Variants in CFAP20DC observed in about 807,000 individuals in gnomAD.
CFAP20DC encodes the protein CFAP20 domain containing, also known as protein CFAP20DC.
CFAP20DC carries 84 observed loss-of-function variants against 101.7 expected under a neutral mutation model. The ratio of observed to expected loss-of-function variants is 0.83; its 90% CI spans 0.69 to 0.99. The LOEUF is 0.99. Ranked by LOEUF, CFAP20DC falls within the 50% of genes least tolerant of loss-of-function variation. The pLI, the probability that CFAP20DC is intolerant of heterozygous loss-of-function variation, is 0.00. For synonymous variants in CFAP20DC, 359 were observed against 351.2 expected (o/e 1.02, Z -0.25); for missense variants, 1,007 against 970.3 (o/e 1.04, Z -0.50).
At position 58,833,503 on chromosome 3, in the gene CFAP20DC, A is replaced by C. The variant is rs1271628968; in HGVS notation, c.1972-1614T>G. Among the ~76,000 whole-genome samples, 13 of 152,290 alleles carry C rather than the reference A, an allele frequency of 8.5e-5. No homozygotes were observed. In the East Asian group the frequency reaches 2.1e-3, roughly 25 times the overall value. On this transcript the variant is annotated intron_variant, in intron 13 of 16. Coordinates refer to ENST00000482387, the MANE Select transcript of CFAP20DC (RefSeq NM_001394063.1). Reference sequence around the variant, plus strand: ...TCAACATCCTTGTCATTAGAGAAATACAAATCAAAACCACAATGAGATACC... The same window carrying C: ...TCAACATCCTTGTCATTAGAGAAATCCAAATCAAAACCACAATGAGATACC...
intron 4 of CFAP20DC, among the ~76,000 whole-genome samples, chr3:58,951,349 C>T (rs375218334): frequency 6.6e-6 from 1 of 152,156 alleles, no homozygotes; most frequent in African/African-American, 2.4e-5. Flanking sequence ...GTCAGTATGG[C>T]GATTCCTCAG....
At chr3:58,819,345 A>T (rs1209635964) in intron 14 of CFAP20DC, among the ~76,000 whole-genome samples, 2 of 152,170 alleles carry the variant, frequency 1.3e-5, no homozygotes, top group East Asian at 3.9e-4. Context: ...AAATCAATGA[A>T]TCCAGGAGCT....
intron 4 of CFAP20DC, among the ~76,000 whole-genome samples, chr3:58,984,989 G>T (rs549913313): frequency 6.6e-6 from 1 of 152,108 alleles, no homozygotes; most frequent in Non-Finnish European, 1.5e-5. Flanking sequence ...CAGCCTTGAC[G>T]TCCTGGGCTC....
At chr3:58,777,137 T>C (rs13315661) in intron 15 of CFAP20DC, among the ~76,000 whole-genome samples, 18,143 of 152,090 alleles carry the variant, frequency 0.12, 1,947 homozygotes, top group East Asian at 0.35. Context: ...AAAGTCATTC[T>C]TCTGTTCACT....
chr3:58,812,869 T>C (rs1039562194), intron 14 of CFAP20DC, among the ~76,000 whole-genome samples: 1 of 151,892 alleles, frequency 6.6e-6, no homozygotes. Context: ...AAAGTTCATG[T>C]ATTGAAATTT....
chr3:58,815,735 T>C (rs2107834053), intron 14 of CFAP20DC, among the ~76,000 whole-genome samples: 1 of 150,780 alleles, frequency 6.6e-6, no homozygotes, highest in Admixed American at 6.6e-5. Context: ...AAGACATTTA[T>C]GCAGCCAAAA....
intron 4 of CFAP20DC, among the ~76,000 whole-genome samples, chr3:58,962,530 ATTACT>A (rs2091224078): frequency 6.6e-6 from 1 of 152,128 alleles, no homozygotes; most frequent in African/African-American, 2.4e-5. Context: ...TATTTTTGTT[ATTACT>A]TTACTTTTAA....
intron 10 of CFAP20DC, 138 bp from the exon 11 acceptor site, chr3:58,866,826 T>C: frequency 1.9e-6 from 1 of 531,996 alleles, no homozygotes; most frequent in Middle Eastern, 5.1e-4. Flanking sequence ...ATGAATTACA[T>C]GCAGTTTTTT....
chr3:58,806,738 C>A (rs112589851), intron 14 of CFAP20DC, among the ~76,000 whole-genome samples: 3 of 152,342 alleles, frequency 2.0e-5, no homozygotes, highest in South Asian at 2.1e-4. Flanking sequence ...GTGCAGCGCA[C>A]CGTGTGCGAG....
At position 58,882,250 on chromosome 3, in the gene CFAP20DC, G is replaced by A. The variant is rs892882129; in HGVS notation, c.715+2295C>T. Among the ~76,000 whole-genome samples, 6 of 151,958 alleles carry A rather than the reference G, an allele frequency of 3.9e-5. No individual in the cohort carries two copies. The highest frequency in any genetic ancestry group is 3.9e-4 in the East Asian group (2 of 5,192). On this transcript the variant is annotated intron_variant, in intron 7 of 16. Transcript: ENST00000482387. This position sits in a 1 kb window ranked among gnomAD's most constrained non-coding sequence, Gnocchi z 4.2. ...TATTAATATCCTCTTTTATGAGTTG[G>A]GTTCAAATATGGCCCATGAAAAAGT...
chr3:58,814,587 T>G (rs1197739370), intron 14 of CFAP20DC, among the ~76,000 whole-genome samples: 1 of 151,376 alleles, frequency 6.6e-6, no homozygotes, highest in South Asian at 2.1e-4. Context: ...GCAGATGACA[T>G]GATTGTATAT....
chr3:58,773,762 T>C (rs965190531), intron 15 of CFAP20DC, among the ~76,000 whole-genome samples: 2 of 152,186 alleles, frequency 1.3e-5, no homozygotes, highest in Non-Finnish European at 2.9e-5. Flanking sequence ...TTCAAGAGCC[T>C]GATTTATTAA....
At chr3:58,953,802 C>A (rs1576466814) in intron 4 of CFAP20DC, 1 of 152,094 alleles carries the variant, frequency 6.6e-6, no homozygotes, top group Non-Finnish European at 1.5e-5. Context: ...TGATTTTCAC[C>A]ATCAAAAACC....
At chr3:58,889,956 C>T (rs2082010683) in intron 6 of CFAP20DC, among the ~76,000 whole-genome samples, 1 of 136,402 alleles carries the variant, frequency 7.3e-6, no homozygotes, top group Admixed American at 7.3e-5. Flanking sequence ...CTACTTCTTT[C>T]TACACAGACA....
intron 15 of CFAP20DC, among the ~76,000 whole-genome samples, chr3:58,762,463 C>A (rs1013209943): frequency 6.6e-6 from 1 of 152,152 alleles, no homozygotes; most frequent in South Asian, 2.1e-4. Context: ...CTGAATACAG[C>A]ACACTGATGG....
chr3:59,011,441 C>T (rs558749057), intron 4 of CFAP20DC, among the ~76,000 whole-genome samples: 1 of 148,958 alleles, frequency 6.7e-6, no homozygotes, highest in Admixed American at 6.7e-5. Context: ...GAACAACAGA[C>T]AATATATGTC....
chr3:58,843,705 T>C (rs1191975890), intron 13 of CFAP20DC, among the ~76,000 whole-genome samples: 1 of 149,330 alleles, frequency 6.7e-6, no homozygotes, highest in Non-Finnish European at 1.5e-5. Context: ...CCAAGACACA[T>C]AATTGTCAGA....
At chr3:58,765,128 A>G (rs1013744107) in intron 15 of CFAP20DC, among the ~76,000 whole-genome samples, 1 of 152,174 alleles carries the variant, frequency 6.6e-6, no homozygotes, top group Admixed American at 6.5e-5. Context: ...TTACCTATAG[A>G]ACTGAAGACA....
At position 58,913,896 on chromosome 3, in the gene CFAP20DC, A is replaced by G; in HGVS notation, c.394-32T>C. 3 of 1,609,368 alleles carry G rather than the reference A, an allele frequency of 1.9e-6. No homozygotes were observed. The highest frequency in any genetic ancestry group is 2.5e-6 in the Non-Finnish European group (3 of 1,176,922). ...TAGAGAGATGCAAAGAAGAGTAAGGACCTTTCATCAACACATAAATGAACA... is the reference window on the plus strand; with the variant it reads ...TAGAGAGATGCAAAGAAGAGTAAGGGCCTTTCATCAACACATAAATGAACA... On this transcript the variant is annotated intron_variant, in intron 5 of 16. Coordinates refer to ENST00000482387, the MANE Select transcript of CFAP20DC (RefSeq NM_001394063.1). The surrounding 1 kb of genome is among the most constrained non-coding windows in gnomAD (Gnocchi z 4.4).
Sources: gnomAD v4.1 joint callset for allele counts (sites outside exome capture counted in the v4.1 genomes callset) on GRCh38, gnomAD v4.1.1 for gene constraint, Gnocchi (gnomAD v3.1) non-coding constraint, MANE v1.5 for transcripts, NCBI Gene and HGNC (gene_info 2026-07-23, HGNC 2026-07-21) for gene names.